PSMD14: variants seen among roughly 807,000 people sequenced by gnomAD.
PSMD14 encodes the protein ubiquitin C-terminal hydrolase PSMD14.
A neutral mutation model predicts 41.2 loss-of-function variants in PSMD14; 7 were observed. That is an observed-to-expected ratio of 0.17 (90% CI 0.10 to 0.32). PSMD14 has a LOEUF of 0.32. PSMD14 is among the 10% of genes least tolerant of loss of function. PSMD14 has a pLI of 1.00. For missense variants in PSMD14, 139 were observed against 375.6 expected (o/e 0.37, Z 5.21); for synonymous variants, 114 against 122.3 (o/e 0.93, Z 0.45).
chr2:161,352,276 A>G (rs1278204941), intron 3 of PSMD14, among the ~76,000 whole-genome samples: 1 of 152,198 alleles, frequency 6.6e-6, no homozygotes, highest in Non-Finnish European at 1.5e-5. Context: ...ATCCAGAGCA[A>G]TTAAATCAGA....
intron 3 of PSMD14, among the ~76,000 whole-genome samples, chr2:161,356,938 T>A (rs974335026): frequency 1.3e-5 from 2 of 151,958 alleles, no homozygotes; most frequent in African/African-American, 4.8e-5. Context: ...CATAATAAAA[T>A]TGGCTAAATA....
At chr2:161,336,636 C>T (rs957863663) in intron 3 of PSMD14, among the ~76,000 whole-genome samples, 9 of 152,018 alleles carry the variant, frequency 5.9e-5, no homozygotes, top group Admixed American at 3.3e-4. Context: ...AGTGCAGTGG[C>T]GTGATCTTGG....
chr2:161,333,237 T>G (rs1362330477), intron 3 of PSMD14, among the ~76,000 whole-genome samples: 1 of 152,248 alleles, frequency 6.6e-6, no homozygotes. Context: ...GAAGTTTCCT[T>G]TTTTAGTAAG....
chr2:161,402,536 G>T (rs1683894595), intron 10 of PSMD14, among the ~76,000 whole-genome samples: 1 of 152,082 alleles, frequency 6.6e-6, no homozygotes, highest in African/African-American at 2.4e-5. Flanking sequence ...AGCTACTCAG[G>T]ATGTTGAGGT....
intron 3 of PSMD14, among the ~76,000 whole-genome samples, chr2:161,320,283 C>T (rs930960446): frequency 1.3e-5 from 2 of 152,142 alleles, no homozygotes; most frequent in Admixed American, 6.5e-5. Context: ...AGCATAGATA[C>T]AATAAATTAC....
chr2:161,324,978 C>T (rs1682671854), intron 3 of PSMD14, among the ~76,000 whole-genome samples: 1 of 152,072 alleles, frequency 6.6e-6, no homozygotes, highest in African/African-American at 2.4e-5. Context: ...ATGATTGAGC[C>T]TCTTTTAGCC....
intron 10 of PSMD14, among the ~76,000 whole-genome samples, chr2:161,400,950 T>A (rs116288495): frequency 0.013 from 1,907 of 152,188 alleles, 37 homozygotes; most frequent in African/African-American, 0.044. Context: ...TACACTAATC[T>A]ACTATAAAAT....
At chr2:161,324,897 A>G (rs935772583) in intron 3 of PSMD14, among the ~76,000 whole-genome samples, 1 of 152,198 alleles carries the variant, frequency 6.6e-6, no homozygotes, top group African/African-American at 2.4e-5. Context: ...ATTGGTTAAT[A>G]GGTCACTTTT....
At chr2:161,369,484 A>G (rs1396552017) in intron 5 of PSMD14, among the ~76,000 whole-genome samples, 2 of 152,070 alleles carry the variant, frequency 1.3e-5, no homozygotes, top group South Asian at 2.1e-4. Context: ...GGAATTCAAT[A>G]TGCATACTGT....
In PSMD14 at chr2:161,405,355, C is replaced by T. The variant is rs542323942; in HGVS notation, c.772-3482C>T. ...ATTTACTTAACCCCTATGTCCCCAT[C>T]GTGCTTTGTGCACACTCCTTTTTTG... On this transcript the variant is annotated intron_variant, in intron 10 of 11. Coordinates refer to ENST00000409682, the MANE Select transcript of PSMD14 (RefSeq NM_005805.6). Among the ~76,000 whole-genome samples the T allele has an allele frequency of 1.1e-4, 17 of 152,298 alleles. No homozygotes were observed. The South Asian group carries it at 3.5e-3, about 32-fold the overall frequency.
At chr2:161,324,159 T>G (rs1052985912) in intron 3 of PSMD14, among the ~76,000 whole-genome samples, 1 of 152,256 alleles carries the variant, frequency 6.6e-6, no homozygotes, top group Non-Finnish European at 1.5e-5. Flanking sequence ...TTTTAATTTG[T>G]TAAGTCAATA....
rs150546451 is a variant in PSMD14 at position 161,339,613 on chromosome 2, G to A, written c.48+20740G>A. Among the ~76,000 whole-genome samples the A allele has an allele frequency of 9.9e-3, 1,509 of 152,170 alleles. 5 individuals are homozygous for A. Among genetic ancestry groups the A allele is most frequent in the African/African-American group, 0.034 (1,426 of 41,446 alleles). On this transcript the variant is annotated intron_variant, in intron 3 of 11. Transcript: ENST00000409682. The stretch of plus-strand genomic sequence containing the variant: ...ATGAGGTGTGGTGCCTATAAGCCAG[G>A]GTCGGAAACTTTCCAGACAAACCTA...
intron 7 of PSMD14, among the ~76,000 whole-genome samples, chr2:161,374,140 A>G (rs1683474471): frequency 6.6e-6 from 1 of 151,916 alleles, no homozygotes; most frequent in Admixed American, 6.6e-5. Flanking sequence ...ACTATGAATG[A>G]TGTAATCAGA....
chr2:161,337,212 A>G (rs1042189652), intron 3 of PSMD14, among the ~76,000 whole-genome samples: 2 of 152,188 alleles, frequency 1.3e-5, no homozygotes, highest in African/African-American at 4.8e-5. Flanking sequence ...TTGGGAGTGA[A>G]ACTCAAGGGG....
chr2:161,407,290 A>G (rs1453072735), intron 10 of PSMD14, among the ~76,000 whole-genome samples: 3 of 152,160 alleles, frequency 2.0e-5, no homozygotes, highest in African/African-American at 7.2e-5. Flanking sequence ...AAATACTTTT[A>G]TAACTGAAAA....
chr2:161,389,650 C>T (rs536725067), intron 8 of PSMD14, among the ~76,000 whole-genome samples: 1 of 151,918 alleles, frequency 6.6e-6, no homozygotes, highest in South Asian at 2.1e-4. Context: ...TTTTAATACT[C>T]ATTGGAGTGA....
chr2:161,361,438 A>G (rs546602194), intron 3 of PSMD14, among the ~76,000 whole-genome samples: 26 of 126,388 alleles, frequency 2.1e-4, no homozygotes, highest in African/African-American at 7.2e-4. Context: ...AACACTTCCA[A>G]AATTGAAAAA....
At chr2:161,320,125 A>AT (rs1689187081) in intron 3 of PSMD14, among the ~76,000 whole-genome samples, 1 of 152,202 alleles carries the variant, frequency 6.6e-6, no homozygotes, top group African/African-American at 2.4e-5. Flanking sequence ...ATTAGTAGTA[A>AT]TAGTGTTCAG....
chr2:161,333,190 G>A (rs1682820523), intron 3 of PSMD14, among the ~76,000 whole-genome samples: 1 of 152,160 alleles, frequency 6.6e-6, no homozygotes, highest in South Asian at 2.1e-4. Context: ...TTTCCTTACT[G>A]TTCCATATCT....
Sources: gnomAD v4.1 joint callset for allele counts (sites outside exome capture counted in the v4.1 genomes callset) on GRCh38, gnomAD v4.1.1 for gene constraint, MANE v1.5 for transcripts, NCBI Gene and HGNC (gene_info 2026-07-23, HGNC 2026-07-21) for gene names.